The following PPP1R13B variants were observed in gnomAD, a reference collection of about 807,000 sequenced individuals.
PPP1R13B encodes the protein protein phosphatase 1 regulatory subunit 13B.
PPP1R13B carries 44 observed loss-of-function variants against 119.8 expected under a neutral mutation model. The observed-to-expected ratio is 0.37, with a 90% CI of 0.29 to 0.47. PPP1R13B has a LOEUF of 0.47. Ranked by LOEUF, PPP1R13B falls within the 20% of genes least tolerant of loss-of-function variation. The pLI is 0.99. For missense variants in PPP1R13B, 1,227 were observed against 1,413.5 expected (o/e 0.87, Z 2.12); for synonymous variants, 542 against 561.5 (o/e 0.97, Z 0.49).
intron 1 of PPP1R13B, among the ~76,000 whole-genome samples, chr14:103,817,300 T>C (rs1223775143): frequency 1.3e-5 from 2 of 152,026 alleles, no homozygotes; most frequent in African/African-American, 4.8e-5. Flanking sequence ...TGAGCTCCAG[T>C]GAAGAAAAAA....
chr14:103,848,527 CT>C, upstream of PPP1R13B: 1 of 980,070 alleles, frequency 1.0e-6, no homozygotes, highest in East Asian at 1.1e-4. Flanking sequence ...GACAGGGGGA[CT>C]GAGGTGCTCC....
intron 1 of PPP1R13B, among the ~76,000 whole-genome samples, chr14:103,814,520 T>C (rs1297562413): frequency 6.6e-6 from 1 of 152,126 alleles, no homozygotes; most frequent in Non-Finnish European, 1.5e-5. Flanking sequence ...AAAGTTTCAA[T>C]GGGCTGAGCC....
intron 4 of PPP1R13B, among the ~76,000 whole-genome samples, chr14:103,760,376 T>C (rs540552474): frequency 6.6e-6 from 1 of 152,338 alleles, no homozygotes; most frequent in African/African-American, 2.4e-5. Flanking sequence ...ATTGATTGCA[T>C]CTAATAAGAA....
chr14:103,759,364 A>G (rs1239584179), intron 4 of PPP1R13B: 3 of 142,648 alleles, frequency 2.1e-5, no homozygotes, highest in Non-Finnish European at 4.6e-5. Flanking sequence ...TAGAGACTGA[A>G]TCTCACTCTG....
At chr14:103,754,925 G>A (rs1470028478) in intron 5 of PPP1R13B, among the ~76,000 whole-genome samples, 6 of 151,864 alleles carry the variant, frequency 4.0e-5, no homozygotes, top group Admixed American at 6.6e-5. Context: ...GACTACAGGC[G>A]CCCACCACCA....
At chr14:103,788,190 C>T (rs2085517913) in intron 2 of PPP1R13B, among the ~76,000 whole-genome samples, 2 of 151,972 alleles carry the variant, frequency 1.3e-5, no homozygotes, top group African/African-American at 4.8e-5. Context: ...AGATTTCAGC[C>T]AATTCTGTTT....
chr14:103,842,217 G>A (rs557880978), intron 1 of PPP1R13B, among the ~76,000 whole-genome samples: 1 of 151,094 alleles, frequency 6.6e-6, no homozygotes, highest in South Asian at 2.1e-4. Context: ...GAAATAAGTA[G>A]AATCATAGCC....
intron 1 of PPP1R13B, among the ~76,000 whole-genome samples, chr14:103,818,733 A>G (rs1383716277): frequency 6.6e-6 from 1 of 152,204 alleles, no homozygotes; most frequent in African/African-American, 2.4e-5. Context: ...GTTCTTCATT[A>G]TACAAATATT....
Position 103,809,383 on chromosome 14 carries a change from T to C in PPP1R13B, c.10-11865A>G, listed in dbSNP as rs192160716. Among the ~76,000 whole-genome samples, 189 of 152,328 alleles carry C rather than the reference T, an allele frequency of 1.2e-3. 1 individual carries two copies. Among genetic ancestry groups the C allele is most frequent in the Non-Finnish European group, 2.1e-3 (142 of 68,028 alleles). On this transcript the variant is annotated intron_variant, in intron 1 of 16. Coordinates refer to ENST00000202556, the MANE Select transcript of PPP1R13B (RefSeq NM_015316.3). ...ATAGTCCCTTCAGTATTTAAAAGCA[T>C]AACGCATTTTGAGAGAACCTATCTT...
chr14:103,783,914 C>T (rs2085391813), intron 3 of PPP1R13B, among the ~76,000 whole-genome samples: 1 of 152,136 alleles, frequency 6.6e-6, no homozygotes, highest in Non-Finnish European at 1.5e-5. Context: ...CTTACAAAGG[C>T]CTTGTTCACT....
At chr14:103,741,508 G>A (rs531569591) in intron 11 of PPP1R13B, among the ~76,000 whole-genome samples, 2 of 152,264 alleles carry the variant, frequency 1.3e-5, no homozygotes, top group East Asian at 1.9e-4. Flanking sequence ...GGAAATTCTC[G>A]ACATCTCACC....
rs561346014 is a variant in PPP1R13B, at chr14:103,805,587, AGAAG to A, written c.10-8073_10-8070del. On this transcript the variant is annotated intron_variant, in intron 1 of 16. Coordinates refer to ENST00000202556, the MANE Select transcript of PPP1R13B (RefSeq NM_015316.3). ...TGCTGTCTCAAAAAAAAGGAAGGAA[AGAAG>A]GAAGGAAGGAAGGAAGGAGAGAGAA... Among the ~76,000 whole-genome samples the A allele has an allele frequency of 9.5e-4, 144 of 152,014 alleles. 1 individual carries two copies. In the Middle Eastern group the frequency reaches 0.014, roughly 14 times the overall value.
chr14:103,748,066 T>TACACACACACACACACAC, intron 8 of PPP1R13B, among the ~76,000 whole-genome samples: 1 of 138,240 alleles, frequency 7.2e-6, no homozygotes, highest in South Asian at 2.5e-4. Flanking sequence ...TTAAATCACA[T>TACACACACACACACACAC]ACACACACAC....
At position 103,742,975 on chromosome 14, in the gene PPP1R13B, A is replaced by G. The variant is rs1595712256; in HGVS notation, c.1151-152T>C. On this transcript the variant is annotated intron_variant, in intron 9 of 16. Transcript: ENST00000202556. The surrounding 1 kb of genome is among the most constrained non-coding windows in gnomAD (Gnocchi z 4.9). The stretch of plus-strand genomic sequence containing the variant: ...GTGGTCAACCACCAGCCACATGCAC[A>G]ACTGCTGATCTCCTCCAGCACCCAC... The G allele has an allele frequency of 3.7e-6, 3 of 815,374 alleles. No individual in the cohort carries two copies. The East Asian group carries it at 8.1e-5, about 22-fold the overall frequency. 50.5% of individuals were successfully genotyped at this position (815,374 alleles called of 1,614,324 possible).
intron 1 of PPP1R13B, among the ~76,000 whole-genome samples, chr14:103,823,441 G>A (rs1330673342): frequency 1.3e-5 from 2 of 152,058 alleles, no homozygotes; most frequent in Non-Finnish European, 2.9e-5. Context: ...AGAAGGGGAG[G>A]GATGGAGAAG....
rs187087465 is a variant in PPP1R13B, at chr14:103,776,727, C to T, written c.354+2018G>A. On this transcript the variant is annotated intron_variant, in intron 4 of 16. Coordinates refer to ENST00000202556, the MANE Select transcript of PPP1R13B (RefSeq NM_015316.3). ...CTCTATTAAAAATACAAAAAATTAG[C>T]CGGGCGTGGCGGTGTGCGCCTGTAG... is the stretch of plus-strand genomic sequence containing the variant. Among the ~76,000 whole-genome samples the T allele has an allele frequency of 1.9e-3, 292 of 151,996 alleles. 1 individual carries two copies. Among genetic ancestry groups the T allele is most frequent in the African/African-American group, 6.8e-3 (281 of 41,522 alleles).
At chr14:103,848,187 C>A, upstream of PPP1R13B, 1 of 958,842 alleles carries the variant, frequency 1.0e-6, no homozygotes, top group Non-Finnish European at 1.2e-6. Context: ...GGGCCGCGCC[C>A]CCCGCACCAG....
rs1241280911 is a variant in PPP1R13B at position 103,763,144 on chromosome 14, A to G, written c.355-5393T>C. On this transcript the variant is annotated intron_variant, in intron 4 of 16. Coordinates refer to ENST00000202556, the MANE Select transcript of PPP1R13B (RefSeq NM_015316.3). ...CGCAGCTCCCTCACACTGCCACCTT[A>G]TGACAGGGATAATGAGATGGACCCG... 1.3e-5 allele frequency: 8 copies of G among 639,542 alleles called. No homozygotes were observed. In the East Asian group the frequency reaches 2.2e-4, roughly 18 times the overall value. 39.6% of individuals were successfully genotyped at this position (639,542 alleles called of 1,614,324 possible).
Position 103,733,915 on chromosome 14 carries a change from C to CAGTG in PPP1R13B, c.*1235_*1238dup, listed in dbSNP as rs1384928571. On this transcript the variant is annotated 3_prime_UTR_variant, in exon 17 of 17. Transcript: ENST00000202556. ...AAGGTGATGGGCTACAGTGCTGCATCAGTGAGTCTGTACACACATTTTTAC... is the reference window on the plus strand; with the variant it reads ...AAGGTGATGGGCTACAGTGCTGCATCAGTGAGTGAGTCTGTACACACATTTTTAC... The CAGTG allele has an allele frequency of 6.4e-6, 1 of 155,170 alleles. No homozygotes were observed. Among genetic ancestry groups the CAGTG allele is most frequent in the Non-Finnish European group, 1.4e-5 (1 of 69,854 alleles). The allele number at this position is 155,170 out of a possible 1,614,324, so 9.6% of individuals were successfully genotyped here.
Sources: gnomAD v4.1 joint callset for allele counts (sites outside exome capture counted in the v4.1 genomes callset) on GRCh38, gnomAD v4.1.1 for gene constraint, Gnocchi (gnomAD v3.1) non-coding constraint, MANE v1.5 for transcripts, NCBI Gene and HGNC (gene_info 2026-07-23, HGNC 2026-07-21) for gene names.